Variants in CHD9NB observed in about 807,000 individuals in gnomAD.
CHD9NB encodes CHD9 neighbor protein.
At chr16:53,049,689 G>A in the CHD9NB span, among the ~76,000 whole-genome samples, 2 of 152,140 alleles carry the variant, frequency 1.3e-5, no homozygotes, top group African/African-American at 4.8e-5. Flanking sequence ...GAAGGACACA[G>A]TTGCCAAAAT....
the CHD9NB span, among the ~76,000 whole-genome samples, chr16:53,036,821 C>T: frequency 1.3e-5 from 2 of 152,192 alleles, no homozygotes; most frequent in African/African-American, 4.8e-5. Flanking sequence ...ACTTTGTATC[C>T]GCCCACCCCT....
the CHD9NB span, among the ~76,000 whole-genome samples, chr16:53,051,768 AATATATATATATATATATATATAT>A: frequency 2.8e-4 from 29 of 104,616 alleles, 1 homozygote; most frequent in East Asian, 1.3e-3. Flanking sequence ...TAAAAGTATA[AATATATATATATATATATATATAT>A]ATATATATAT....
At chr16:53,038,269 T>C in the CHD9NB span, among the ~76,000 whole-genome samples, 1 of 152,188 alleles carries the variant, frequency 6.6e-6, no homozygotes, top group South Asian at 2.1e-4. Context: ...AGAAACACGC[T>C]CCCAGGCACA....
the CHD9NB span, among the ~76,000 whole-genome samples, chr16:53,038,153 A>G: frequency 6.6e-6 from 1 of 152,178 alleles, no homozygotes; most frequent in Non-Finnish European, 1.5e-5. Flanking sequence ...TCAAGAAAAG[A>G]GAGAGAATTC....
chr16:53,046,068 G>A, the CHD9NB span, among the ~76,000 whole-genome samples: 1 of 152,150 alleles, frequency 6.6e-6, no homozygotes, highest in African/African-American at 2.4e-5. Context: ...AATACATTAT[G>A]ATGCTATTTA....
the CHD9NB span, among the ~76,000 whole-genome samples, chr16:53,037,958 T>G: frequency 6.6e-6 from 1 of 152,302 alleles, no homozygotes; most frequent in Admixed American, 6.5e-5. Context: ...CACATTATTA[T>G]GGAGGCCAAG....
chr16:53,044,529 C>T, the CHD9NB span, among the ~76,000 whole-genome samples: 151 of 152,330 alleles, frequency 9.9e-4, no homozygotes, highest in African/African-American at 2.2e-3. Flanking sequence ...CACTATGCAA[C>T]GGGCTGTAGC....
the CHD9NB span, among the ~76,000 whole-genome samples, chr16:53,044,719 T>C: frequency 1.5e-5 from 1 of 67,392 alleles, no homozygotes; most frequent in Admixed American, 1.1e-4. Flanking sequence ...AGATGCTGGG[T>C]ACTACTACTC....
chr16:53,038,109 A>G, the CHD9NB span, among the ~76,000 whole-genome samples: 6 of 152,276 alleles, frequency 3.9e-5, no homozygotes, highest in Middle Eastern at 3.4e-3. Flanking sequence ...AGGAGCTCCA[A>G]CGTCTGAGGA....
chr16:53,047,296 G>C, the CHD9NB span: 1 of 152,180 alleles, frequency 6.6e-6, no homozygotes, highest in Non-Finnish European at 1.5e-5. Flanking sequence ...AGAGAAAACA[G>C]TTTGGCAGTT....
the CHD9NB span, among the ~76,000 whole-genome samples, chr16:53,052,106 T>C: frequency 6.6e-6 from 1 of 151,262 alleles, no homozygotes; most frequent in East Asian, 1.9e-4. Context: ...GAGCCAGGTA[T>C]GGCAGCTTGT....
the CHD9NB span, among the ~76,000 whole-genome samples, chr16:53,051,771 AT>A: frequency 2.0e-4 from 3 of 14,756 alleles, no homozygotes; most frequent in Admixed American, 4.5e-4. Flanking sequence ...AAGTATAAAT[AT>A]ATATATATAT....
chr16:53,051,634 G>C, the CHD9NB span, among the ~76,000 whole-genome samples: 2 of 143,406 alleles, frequency 1.4e-5, no homozygotes, highest in East Asian at 4.3e-4. Flanking sequence ...TAGGGGGAGG[G>C]GGGAGGGATA....
chr16:53,041,975 G>T, the CHD9NB span, among the ~76,000 whole-genome samples: 1 of 152,142 alleles, frequency 6.6e-6, no homozygotes. Context: ...GCTCCTCCAG[G>T]CTCTGCTGAA....
chr16:53,046,481 G>T, the CHD9NB span, among the ~76,000 whole-genome samples: 1 of 150,960 alleles, frequency 6.6e-6, no homozygotes, highest in Non-Finnish European at 1.5e-5. Context: ...GCTCAAGACC[G>T]GCCTGGCAAC....
At chr16:53,044,261 G>A in the CHD9NB span, 2 of 397,448 alleles carry the variant, frequency 5.0e-6, no homozygotes, top group Non-Finnish European at 8.9e-6. Flanking sequence ...TCCTCTTGCA[G>A]CACTGTTGAA....
the CHD9NB span, among the ~76,000 whole-genome samples, chr16:53,047,975 G>T: frequency 1.4e-5 from 2 of 144,500 alleles, no homozygotes; most frequent in African/African-American, 2.5e-5. Flanking sequence ...CTCCAGCCTG[G>T]GTGACAGAGA....
chr16:53,049,801 G>A, the CHD9NB span, among the ~76,000 whole-genome samples: 2 of 152,180 alleles, frequency 1.3e-5, no homozygotes, highest in African/African-American at 2.4e-5. Context: ...AGCATGAGAG[G>A]AGCCTGGGTT....
chr16:53,049,654 G>A, the CHD9NB span, among the ~76,000 whole-genome samples: 2 of 151,976 alleles, frequency 1.3e-5, no homozygotes, highest in South Asian at 2.1e-4. Context: ...AGAAGGATGC[G>A]CAGAATATCA....
Sources: gnomAD v4.1 joint callset for allele counts (sites outside exome capture counted in the v4.1 genomes callset) on GRCh38, gnomAD v4.1.1 for gene constraint, MANE v1.5 for transcripts, NCBI Gene and HGNC (gene_info 2026-07-23, HGNC 2026-07-21) for gene names.